Variants in EVC observed in about 807,000 individuals in gnomAD.
EVC encodes the protein EvC ciliary complex subunit 1.
EVC carries 116 observed loss-of-function variants against 118.9 expected under a neutral mutation model. The observed-to-expected ratio is 0.98, with a 90% CI of 0.84 to 1.14. The LOEUF (loss-of-function observed/expected upper bound fraction) is 1.14, where lower values mean the gene tolerates loss of function less well. Among genes scored for constraint, EVC ranks in the 50% most tolerant of loss-of-function variants. The probability of loss-of-function intolerance (pLI) is 0.00; values close to 1 mark genes in which losing one functional copy is unlikely to be tolerated. For synonymous variants in EVC, 619 were observed against 534.7 expected, an observed-to-expected ratio of 1.16 and a Z score of -2.18; for missense variants, 1,401 against 1,246.4, an observed-to-expected ratio of 1.12 and a Z score of -1.87.
At chr4:5,825,556 G>A in the EVC span, 11 of 1,597,310 alleles carry the variant, frequency 6.9e-6, no homozygotes, top group South Asian at 1.1e-5. This position sits in a 1 kb window ranked among gnomAD's most constrained non-coding sequence, Gnocchi z 4.4. Context: ...TTTAGAAGGC[G>A]AAGATTTGGC....
intron 17 of EVC, among the ~76,000 whole-genome samples, chr4:5,807,246 G>A (rs1331498176): frequency 6.6e-6 from 1 of 152,190 alleles, no homozygotes; most frequent in Admixed American, 6.5e-5. Flanking sequence ...ATGAGTGGAT[G>A]GATGGAGGGA....
intron 2 of EVC, among the ~76,000 whole-genome samples, chr4:5,724,425 A>T (rs1046084853): frequency 1.3e-5 from 2 of 152,012 alleles, no homozygotes; most frequent in African/African-American, 4.8e-5. Flanking sequence ...TTCTCCACGA[A>T]CCCCCACTTC....
At chr4:5,763,380 G>T (rs1466655907) in intron 11 of EVC, among the ~76,000 whole-genome samples, 1 of 147,366 alleles carries the variant, frequency 6.8e-6, no homozygotes, top group Admixed American at 6.7e-5. Flanking sequence ...ACTTGGCGAT[G>T]TGGGCTCTTT....
downstream of EVC, among the ~76,000 whole-genome samples, chr4:5,815,955 C>G (rs974578248): frequency 6.6e-6 from 1 of 151,920 alleles, no homozygotes; most frequent in South Asian, 2.1e-4. Flanking sequence ...TATATACTTT[C>G]CTCCTGTGGT....
intron 15 of EVC, among the ~76,000 whole-genome samples, chr4:5,800,004 A>C (rs1003405519): frequency 6.6e-6 from 1 of 152,204 alleles, no homozygotes; most frequent in East Asian, 1.9e-4. Context: ...TTTTGAGTCA[A>C]GATTGGAAAA....
rs1312128604 is a variant in EVC, at chr4:5,728,991, C to T, written c.301-316C>T. Among the ~76,000 whole-genome samples, 3 of 152,198 alleles carry T rather than the reference C, an allele frequency of 2.0e-5. No individual in the cohort carries two copies. The East Asian group carries it at 5.8e-4, about 29-fold the overall frequency. ...ATCTATCTCTCCACCTTTTCATTCA[C>T]CCATCTGTCTGTCCATCCTTCCATC... On this transcript the variant is annotated intron_variant, in intron 2 of 20. Coordinates refer to ENST00000264956, the MANE Select transcript of EVC (RefSeq NM_153717.3).
chr4:5,719,482 A>G lies in EVC; in HGVS notation c.300+109A>G, dbSNP rs1577324839. 2.0e-6 allele frequency: 3 copies of G among 1,531,398 alleles called. No individual in the cohort carries two copies. The highest frequency in any genetic ancestry group is 2.3e-5 in the East Asian group (1 of 44,358). 94.9% of individuals were successfully genotyped at this position (1,531,398 alleles called of 1,614,324 possible). The stretch of plus-strand genomic sequence containing the variant: ...AGCCTCTGACAGATATAGTTTCCCA[A>G]TGGGCTGCTTTTCTGAGGCATAATT... On this transcript the variant is annotated intron_variant, in intron 2 of 20. Coordinates refer to ENST00000264956, the MANE Select transcript of EVC (RefSeq NM_153717.3). This position sits in a 1 kb window ranked among gnomAD's most constrained non-coding sequence, Gnocchi z 4.7.
chr4:5,756,594 A>G lies in EVC; in HGVS notation c.1563+232A>G, dbSNP rs1269381022. ...GGCACCGTCCATTTTTGGGGTGCTG[A>G]GGATTCTTATCTCCACACATCCCTG... On this transcript the variant is annotated intron_variant, in intron 11 of 20. Transcript: ENST00000264956. The surrounding 1 kb of genome is among the most constrained non-coding windows in gnomAD (Gnocchi z 4.2). Among the ~76,000 whole-genome samples, 1 of 152,170 alleles carries G rather than the reference A, an allele frequency of 6.6e-6. No homozygotes were observed. Among genetic ancestry groups the G allele is most frequent in the African/African-American group, 2.4e-5 (1 of 41,458 alleles).
At position 5,729,308 on chromosome 4, in the gene EVC, A is replaced by C. The variant is rs775193215; in HGVS notation, c.302A>C (p.Glu101Ala). The C allele has an allele frequency of 1.2e-6, 2 of 1,614,096 alleles. No individual in the cohort carries two copies. Among genetic ancestry groups the C allele is most frequent in the Non-Finnish European group, 1.7e-6 (2 of 1,180,006 alleles). Residue 101 changes from glutamate to alanine, a missense_variant and splice_region_variant, in exon 3 of 21, where the codon GAA (glutamate) becomes GCA (alanine). Coordinates refer to ENST00000264956, the MANE Select transcript of EVC (RefSeq NM_153717.3). ...QMSKDKEAVD[E>A]CEPPSNSNIT... ...GCCGTTTGTGTCTTTCCCTCCCAGG[A>C]ATGTGAGCCGCCTTCCAACAGCAAT...
chr4:5,761,564 G>C (rs115153573), intron 11 of EVC, among the ~76,000 whole-genome samples: 1,525 of 151,898 alleles, frequency 0.01, 27 homozygotes, highest in African/African-American at 0.028. Flanking sequence ...AAAGACTTTC[G>C]TTAGTGCCTA....
chr4:5,711,646 CT>C, intron 1 of EVC, 92 bp downstream of exon 1: 1 of 993,834 alleles, frequency 1.0e-6, no homozygotes, highest in East Asian at 6.6e-5. Flanking sequence ...TCTGCGACTC[CT>C]TGAGCCTGGT....
At chr4:5,716,220 G>A (rs753851254) in intron 1 of EVC, among the ~76,000 whole-genome samples, 16 of 152,216 alleles carry the variant, frequency 1.1e-4, no homozygotes, top group Non-Finnish European at 2.1e-4. Context: ...TGACTTCCAG[G>A]TGAGGTTTTT....
At chr4:5,767,717 C>T (rs998552185) in intron 11 of EVC, among the ~76,000 whole-genome samples, 8 of 152,292 alleles carry the variant, frequency 5.3e-5, no homozygotes, top group Admixed American at 2.0e-4. Context: ...TCCCTGACCC[C>T]TTGCGCTTCC....
intron 11 of EVC, among the ~76,000 whole-genome samples, chr4:5,759,340 C>A (rs955507002): frequency 1.3e-5 from 2 of 151,096 alleles, no homozygotes; most frequent in African/African-American, 2.4e-5. Context: ...CGCCGCATCC[C>A]AAGGACATGG....
intron 8 of EVC, among the ~76,000 whole-genome samples, chr4:5,748,699 CCCGT>C (rs1560331225): frequency 3.7e-5 from 4 of 109,422 alleles, no homozygotes; most frequent in Non-Finnish European, 7.1e-5. Flanking sequence ...CATCCATCCA[CCCGT>C]CCACCCATCC....
chr4:5,775,129 A>G (rs1734524761), intron 11 of EVC, among the ~76,000 whole-genome samples: 1 of 152,196 alleles, frequency 6.6e-6, no homozygotes, highest in Non-Finnish European at 1.5e-5. Flanking sequence ...CTGCTGTAGA[A>G]TAGGAGAGTC....
At chr4:5,778,569 T>A (rs558744021) in intron 11 of EVC, among the ~76,000 whole-genome samples, 1 of 152,226 alleles carries the variant, frequency 6.6e-6, no homozygotes, top group Non-Finnish European at 1.5e-5. Flanking sequence ...TGGTTTTGAT[T>A]TGCATTTCTC....
At chr4:5,733,472 G>C in intron 5 of EVC, 37 bp downstream of exon 5, 1 of 1,556,032 alleles carries the variant, frequency 6.4e-7, no homozygotes, top group Non-Finnish European at 8.9e-7. Context: ...CTTTTCATGG[G>C]GACAGGAGCT....
At chr4:5,726,170 G>A (rs1045764878) in intron 2 of EVC, among the ~76,000 whole-genome samples, 3 of 152,178 alleles carry the variant, frequency 2.0e-5, no homozygotes, top group African/African-American at 4.8e-5. Context: ...ATTGGAAATC[G>A]GTCATTGGTG....
Sources: allele counts gnomAD v4.1 joint callset (sites outside exome capture counted in the v4.1 genomes callset), GRCh38; gene constraint gnomAD v4.1.1; non-coding constraint Gnocchi (gnomAD v3.1); transcripts MANE v1.5; gene names NCBI Gene and HGNC (gene_info 2026-07-23, HGNC 2026-07-21).